Variants in FAM114A1 observed in about 807,000 individuals in gnomAD.
FAM114A1 encodes family with sequence similarity 114 member A1.
Under a neutral mutation model 64.3 loss-of-function variants are expected in FAM114A1, and 62 were observed. That is an observed-to-expected ratio of 0.96 (90% CI 0.79 to 1.19). The LOEUF is 1.19. FAM114A1 is among the 50% of genes most tolerant of loss of function. The probability of loss-of-function intolerance (pLI) is 0.00; values close to 1 mark genes in which losing one functional copy is unlikely to be tolerated. For missense variants in FAM114A1, 645 were observed against 676.3 expected (o/e 0.95, Z 0.51); for synonymous variants, 254 against 251.1 (o/e 1.01, Z -0.11).
rs55953630 is a variant in FAM114A1 at position 38,917,149 on chromosome 4, C to CAAATAAATAAATAAATAAAT, written c.945+2096_945+2115dup. 3.9e-3 allele frequency among the ~76,000 whole-genome samples: 554 copies of CAAATAAATAAATAAATAAAT among 143,126 alleles called. 2 individuals are homozygous for CAAATAAATAAATAAATAAAT. Among genetic ancestry groups the CAAATAAATAAATAAATAAAT allele is most frequent in the African/African-American group, 7.8e-3 (293 of 37,718 alleles). 93.9% of individuals were successfully genotyped at this position (143,126 alleles called of 152,430 possible). A position where few individuals can be genotyped will look rare whatever the true frequency, so the allele number is the denominator to read the frequency against. ...TGAAGCCCCATCTCTACTAAAAATA[C>CAAATAAATAAATAAATAAAT]AAATAAATAAATAAATAAATAAATA... On this transcript the variant is annotated intron_variant, in intron 8 of 14. Transcript: ENST00000358869.
intron 13 of FAM114A1, 90 bp from the exon 14 acceptor site, chr4:38,940,878 C>A: frequency 1.5e-6 from 2 of 1,325,062 alleles, no homozygotes; most frequent in Middle Eastern, 1.8e-4. Context: ...TGCAAGAGAT[C>A]CCTCAACAAA....
At chr4:38,927,775 C>T (rs1720259569) in intron 9 of FAM114A1, among the ~76,000 whole-genome samples, 1 of 152,196 alleles carries the variant, frequency 6.6e-6, no homozygotes, top group East Asian at 1.9e-4. Context: ...CCTCTGCCTC[C>T]CAGGTTCAAG....
chr4:38,885,540 G>A (rs1459447552), intron 3 of FAM114A1, among the ~76,000 whole-genome samples: 1 of 152,192 alleles, frequency 6.6e-6, no homozygotes, highest in Non-Finnish European at 1.5e-5. Flanking sequence ...GCCTCCCAAA[G>A]TGCTGAGATT....
At chr4:38,940,816 C>A in intron 13 of FAM114A1, 152 bp from the exon 14 acceptor site, 1 of 709,400 alleles carries the variant, frequency 1.4e-6, no homozygotes, top group Non-Finnish European at 2.4e-6. Context: ...GGTGCAGCAG[C>A]GGGTATGAAG....
At position 38,935,808 on chromosome 4, in the gene FAM114A1, A is replaced by G. The variant is rs1166469805; in HGVS notation, c.1536+18A>G. 1 of 1,565,488 alleles carries G rather than the reference A, an allele frequency of 6.4e-7. No individual in the cohort carries two copies. Among genetic ancestry groups the G allele is most frequent in the African/African-American group, 1.4e-5 (1 of 73,080 alleles). ...CTGTTGGGGTAAGATTACAGTCTTGAATTTTTTTCACCTTTTTTAAGGGAA... is the reference window on the plus strand; with the variant it reads ...CTGTTGGGGTAAGATTACAGTCTTGGATTTTTTTCACCTTTTTTAAGGGAA... On this transcript the variant is annotated intron_variant, in intron 13 of 14. Transcript: ENST00000358869.
chr4:38,913,205 T>A (rs1718723859), intron 7 of FAM114A1, among the ~76,000 whole-genome samples: 1 of 152,194 alleles, frequency 6.6e-6, no homozygotes, highest in Non-Finnish European at 1.5e-5. Flanking sequence ...TAATGAGGAA[T>A]CACATAAAAG....
intron 4 of FAM114A1, among the ~76,000 whole-genome samples, chr4:38,898,406 G>T (rs1231503185): frequency 6.6e-6 from 1 of 152,154 alleles, no homozygotes; most frequent in Non-Finnish European, 1.5e-5. Context: ...GTTTATTACA[G>T]AGAATGGCAA....
At chr4:38,883,865 A>G (rs1463486010) in intron 3 of FAM114A1, among the ~76,000 whole-genome samples, 2 of 152,166 alleles carry the variant, frequency 1.3e-5, no homozygotes, top group African/African-American at 4.8e-5. Flanking sequence ...GGCTTGGACA[A>G]CCAGGTGGAT....
chr4:38,917,303 G>C (rs1331919901), intron 8 of FAM114A1, among the ~76,000 whole-genome samples: 1 of 151,672 alleles, frequency 6.6e-6, no homozygotes, highest in East Asian at 1.9e-4. Context: ...GTGCCACTGC[G>C]TTCTGGCCTG....
At chr4:38,894,064 G>C (rs551200554) in intron 4 of FAM114A1, among the ~76,000 whole-genome samples, 5 of 151,060 alleles carry the variant, frequency 3.3e-5, no homozygotes, top group African/African-American at 1.2e-4. Flanking sequence ...ATGGGAGGCT[G>C]AGACAGGAGA....
chr4:38,915,746 T>TGC (rs1346083531), intron 8 of FAM114A1, among the ~76,000 whole-genome samples: 8 of 32,144 alleles, frequency 2.5e-4, no homozygotes, highest in Admixed American at 2.4e-3. Flanking sequence ...TCTATAGTGG[T>TGC]GTGTGTGTGT....
intron 8 of FAM114A1, among the ~76,000 whole-genome samples, chr4:38,921,542 G>A (rs1014983098): frequency 1.3e-5 from 2 of 152,100 alleles, no homozygotes; most frequent in African/African-American, 4.8e-5. Flanking sequence ...GATTACAGGG[G>A]TGAACCACCA....
chr4:38,943,871 A>G lies in FAM114A1; in HGVS notation c.*314A>G, dbSNP rs181966410. 8.4e-6 allele frequency: 2 copies of G among 238,400 alleles called. No individual in the cohort carries two copies. The highest frequency in any genetic ancestry group is 4.4e-5 in the African/African-American group (2 of 45,714). The allele number at this position is 238,400 out of a possible 1,614,324, so 14.8% of individuals were successfully genotyped here. A position where few individuals can be genotyped will look rare whatever the true frequency, so the allele number is the denominator to read the frequency against. ...TCATTTTCCTGGTTAAGCATGCTATATTTAGAAACTCATGGGGAGACCTTA... is the reference window on the plus strand; with the variant it reads ...TCATTTTCCTGGTTAAGCATGCTATGTTTAGAAACTCATGGGGAGACCTTA... On this transcript the variant is annotated 3_prime_UTR_variant, in exon 15 of 15. Coordinates refer to ENST00000358869, the MANE Select transcript of FAM114A1 (RefSeq NM_138389.4).
At chr4:38,902,266 A>G (rs2109660204) in intron 4 of FAM114A1, among the ~76,000 whole-genome samples, 1 of 152,340 alleles carries the variant, frequency 6.6e-6, no homozygotes, top group Non-Finnish European at 1.5e-5. Flanking sequence ...ATTAAATGAG[A>G]TAATGTACTG....
intron 3 of FAM114A1, among the ~76,000 whole-genome samples, chr4:38,883,088 C>T (rs566238845): frequency 1.3e-5 from 2 of 152,302 alleles, no homozygotes; most frequent in South Asian, 4.1e-4. Context: ...AGAAATGGTC[C>T]TCAGCATTGG....
intron 10 of FAM114A1, among the ~76,000 whole-genome samples, chr4:38,930,917 C>T (rs1045563156): frequency 6.6e-6 from 1 of 152,098 alleles, no homozygotes; most frequent in Non-Finnish European, 1.5e-5. Flanking sequence ...TCTCTTCTCC[C>T]CCTTGAGGGT....
At chr4:38,903,028 T>G (rs1200211999) in intron 4 of FAM114A1, among the ~76,000 whole-genome samples, 2 of 151,418 alleles carry the variant, frequency 1.3e-5, no homozygotes, top group East Asian at 3.9e-4. Flanking sequence ...TTTTTGTTTC[T>G]TTTTTTTTGT....
At chr4:38,898,986 AAT>A (rs200054010) in intron 4 of FAM114A1, among the ~76,000 whole-genome samples, 1 of 107,472 alleles carries the variant, frequency 9.3e-6, no homozygotes, top group Non-Finnish European at 2.3e-5. Context: ...TTATATATGT[AAT>A]ATATGTTATA....
chr4:38,933,443 C>T (rs1720828404), intron 12 of FAM114A1, among the ~76,000 whole-genome samples: 3 of 152,316 alleles, frequency 2.0e-5, no homozygotes, highest in South Asian at 2.1e-4. Flanking sequence ...CAGGTCTCCA[C>T]GTTCCAAACT....
Sources: allele counts gnomAD v4.1 joint callset (sites outside exome capture counted in the v4.1 genomes callset), GRCh38; gene constraint gnomAD v4.1.1; transcripts MANE v1.5; gene names NCBI Gene and HGNC (gene_info 2026-07-23, HGNC 2026-07-21).